Variants in XIRP2 observed in about 807,000 individuals in gnomAD.
XIRP2 encodes xin actin-binding repeat-containing protein 2.
XIRP2 carries 236 observed loss-of-function variants against 277.0 expected under a neutral mutation model. The ratio of observed to expected loss-of-function variants is 0.85; its 90% CI spans 0.77 to 0.95. The LOEUF (loss-of-function observed/expected upper bound fraction) is 0.95, where lower values mean the gene tolerates loss of function less well. XIRP2 is among the 40% of genes least tolerant of loss of function. The pLI is 0.00. For missense variants in XIRP2, 4,640 were observed against 4,157.5 expected (o/e 1.12, Z -3.19); for synonymous variants, 1,490 against 1,416.5 (o/e 1.05, Z -1.17).
intron 3 of XIRP2, among the ~76,000 whole-genome samples, chr2:167,160,561 T>A (rs1185873336): frequency 6.6e-6 from 1 of 152,192 alleles, no homozygotes; most frequent in African/African-American, 2.4e-5. Context: ...AGAGAGCTTG[T>A]GCAGGGAAAC....
At chr2:166,913,067 AGG>A (rs1229935764) in intron 2 of XIRP2, among the ~76,000 whole-genome samples, 184 of 152,310 alleles carry the variant, frequency 1.2e-3, no homozygotes, top group African/African-American at 4.3e-3. Context: ...CCACTTGAGG[AGG>A]CAGTCTATCC....
intron 2 of XIRP2, among the ~76,000 whole-genome samples, chr2:167,026,997 T>C (rs968154259): frequency 6.6e-6 from 1 of 152,126 alleles, no homozygotes; most frequent in Non-Finnish European, 1.5e-5. Flanking sequence ...GTTGCTCTTC[T>C]TGAGGAGTAT....
intron 2 of XIRP2, among the ~76,000 whole-genome samples, chr2:166,985,865 A>G (rs1457071487): frequency 6.6e-6 from 1 of 152,210 alleles, no homozygotes; most frequent in East Asian, 1.9e-4. Context: ...GGGAAGTATC[A>G]TATTCCTAAA....
At chr2:167,007,881 T>C (rs1201212925) in intron 2 of XIRP2, among the ~76,000 whole-genome samples, 1 of 151,656 alleles carries the variant, frequency 6.6e-6, no homozygotes, top group Non-Finnish European at 1.5e-5. Context: ...ACAAGTCTGG[T>C]GGGCACTTAA....
At chr2:167,039,114 A>T (rs930521088) in intron 2 of XIRP2, among the ~76,000 whole-genome samples, 2 of 152,164 alleles carry the variant, frequency 1.3e-5, no homozygotes, top group Non-Finnish European at 2.9e-5. Context: ...AATTTAGAAG[A>T]TATATACATA....
chr2:167,060,522 A>C lies in XIRP2; in HGVS notation c.409-75387A>C, dbSNP rs530531626. 3.3e-5 allele frequency among the ~76,000 whole-genome samples: 5 copies of C among 152,252 alleles called. No homozygotes were observed. The East Asian group carries it at 9.6e-4, about 29-fold the overall frequency. On this transcript the variant is annotated intron_variant, in intron 2 of 10. Coordinates refer to ENST00000409195, the MANE Select transcript of XIRP2 (RefSeq NM_152381.6). The stretch of plus-strand genomic sequence containing the variant: ...TGATTAATTTTGAGGGGTTTTTTGT[A>C]TATATAGTGTGAAATAATAACTGAG...
intron 2 of XIRP2, among the ~76,000 whole-genome samples, chr2:167,106,971 G>T (rs973451089): frequency 1.1e-4 from 17 of 150,872 alleles, no homozygotes; most frequent in Admixed American, 9.9e-4. Flanking sequence ...CATGTTTATT[G>T]TTAGTATAAA....
intron 2 of XIRP2, among the ~76,000 whole-genome samples, chr2:166,988,488 C>T (rs374619695): frequency 6.7e-5 from 9 of 134,264 alleles, no homozygotes; most frequent in South Asian, 2.4e-4. Context: ...GGAACAGCTC[C>T]GGTCTACAGC....
At chr2:167,091,408 A>C (rs187262331) in intron 2 of XIRP2, among the ~76,000 whole-genome samples, 11 of 152,154 alleles carry the variant, frequency 7.2e-5, no homozygotes, top group African/African-American at 2.7e-4. Context: ...ATTTATTTGT[A>C]TGTATTTCTG....
rs553506192 is a variant in XIRP2 at position 166,964,253 on chromosome 2, CA to C, written c.408+60366del. On this transcript the variant is annotated intron_variant, in intron 2 of 10. Transcript: ENST00000409195. ...TTTAAAATTATATTGATAATACTTT[CA>C]AATATTTAATTGTATTAATCATATT... Among the ~76,000 whole-genome samples, 442 of 151,794 alleles carry C rather than the reference CA, an allele frequency of 2.9e-3. 3 individuals carry two copies. The highest frequency in any genetic ancestry group is 9.8e-3 in the African/African-American group (407 of 41,458).
chr2:167,068,143 T>A (rs940601932), intron 2 of XIRP2, among the ~76,000 whole-genome samples: 2 of 152,198 alleles, frequency 1.3e-5, no homozygotes, highest in Non-Finnish European at 2.9e-5. Context: ...ATGTCTTGTA[T>A]TACATTTCAC....
At chr2:167,107,410 G>A (rs1416456223) in intron 2 of XIRP2, among the ~76,000 whole-genome samples, 1 of 151,596 alleles carries the variant, frequency 6.6e-6, no homozygotes, top group East Asian at 1.9e-4. Flanking sequence ...TTTAATCATG[G>A]ATTAGTGCTG....
intron 2 of XIRP2, among the ~76,000 whole-genome samples, chr2:167,082,980 G>T (rs146712400): frequency 1.3e-5 from 2 of 152,022 alleles, no homozygotes; most frequent in Non-Finnish European, 2.9e-5. Flanking sequence ...GTCATTTGTT[G>T]CCATTGCTTT....
chr2:167,177,009 C>T (rs1692865760), intron 3 of XIRP2, among the ~76,000 whole-genome samples: 1 of 152,188 alleles, frequency 6.6e-6, no homozygotes, highest in Non-Finnish European at 1.5e-5. Flanking sequence ...TCAATCCTTC[C>T]ACCAGTAGAT....
At chr2:167,216,838 GTTTATTGCGGCA>G (rs1694260159) in intron 4 of XIRP2, among the ~76,000 whole-genome samples, 1 of 120,670 alleles carries the variant, frequency 8.3e-6, no homozygotes, top group African/African-American at 4.6e-5. Flanking sequence ...GCACACGTAT[GTTTATTGCGGCA>G]TTATTCATAA....
chr2:167,103,524 C>G (rs1049024608), intron 2 of XIRP2, among the ~76,000 whole-genome samples: 4 of 152,138 alleles, frequency 2.6e-5, no homozygotes, highest in African/African-American at 4.8e-5. Context: ...TAGAGAGTCA[C>G]CATTGTTCCA....
chr2:167,227,116 T>C (rs1250544264), intron 5 of XIRP2, among the ~76,000 whole-genome samples: 2 of 152,152 alleles, frequency 1.3e-5, no homozygotes. Flanking sequence ...CTCTCCCTTC[T>C]TGATTTCTGA....
chr2:167,090,360 C>T (rs1255178461), intron 2 of XIRP2, among the ~76,000 whole-genome samples: 2 of 152,062 alleles, frequency 1.3e-5, no homozygotes, highest in African/African-American at 4.8e-5. Context: ...TTATTTTAAG[C>T]AGTCTCTTTA....
At chr2:166,930,882 T>C (rs1685317307) in intron 2 of XIRP2, among the ~76,000 whole-genome samples, 1 of 152,164 alleles carries the variant, frequency 6.6e-6, no homozygotes, top group Non-Finnish European at 1.5e-5. Context: ...AGTAGTTAGC[T>C]GTGTTACTTT....
Sources: allele counts gnomAD v4.1 joint callset (sites outside exome capture counted in the v4.1 genomes callset), GRCh38; gene constraint gnomAD v4.1.1; transcripts MANE v1.5; gene names NCBI Gene and HGNC (gene_info 2026-07-23, HGNC 2026-07-21).